Variants in CALCOCO2 observed in about 807,000 individuals in gnomAD.
CALCOCO2 encodes calcium-binding and coiled-coil domain-containing protein 2.
Under a neutral mutation model 62.5 loss-of-function variants are expected in CALCOCO2, and 42 were observed. The ratio of observed to expected loss-of-function variants is 0.67; its 90% CI spans 0.53 to 0.87. The LOEUF (loss-of-function observed/expected upper bound fraction) is 0.87. Among genes scored for constraint, CALCOCO2 ranks in the 40% least tolerant of loss-of-function variants. The probability of loss-of-function intolerance (pLI) is 0.00; values close to 1 mark genes in which losing one functional copy is unlikely to be tolerated. For synonymous variants in CALCOCO2, 167 were observed against 173.0 expected (o/e 0.97, Z 0.27); for missense variants, 456 against 515.0 (o/e 0.89, Z 1.11).
intron 1 of CALCOCO2, among the ~76,000 whole-genome samples, chr17:48,834,659 C>T (rs1470478105): frequency 2.0e-5 from 3 of 152,142 alleles, no homozygotes; most frequent in Non-Finnish European, 2.9e-5. Context: ...CTTTTCTTTA[C>T]CTCTATGAAT....
In CALCOCO2 at chr17:48,861,659, G is replaced by GTATATATATATATATATATATATATATA. The variant is rs367595425; in HGVS notation, c.1145-616_1145-615insATATATATATATATATATATATATATAT. Reference sequence around the variant, plus strand: ...TATATGTATATATATATATGTGTGTGTGTATATATATATATATAAAGCCTG... The same window carrying GTATATATATATATATATATATATATATA: ...TATATGTATATATATATATGTGTGTGTATATATATATATATATATATATATATATGTATATATATATATATAAAGCCTG... On this transcript the variant is annotated intron_variant, in intron 11 of 12. Transcript: ENST00000258947. Among the ~76,000 whole-genome samples the GTATATATATATATATATATATATATATA allele has an allele frequency of 2.3e-3, 311 of 135,016 alleles. 15 individuals are homozygous for GTATATATATATATATATATATATATATA. Among genetic ancestry groups the GTATATATATATATATATATATATATATA allele is most frequent in the African/African-American group, 9.3e-3 (297 of 31,802 alleles). The allele number at this position is 135,016 out of a possible 152,430, so 88.6% of individuals were successfully genotyped here.
intron 2 of CALCOCO2, among the ~76,000 whole-genome samples, chr17:48,844,280 G>A (rs1451963929): frequency 3.3e-5 from 5 of 152,008 alleles, no homozygotes; most frequent in Admixed American, 2.6e-4. Context: ...TACAGATCAT[G>A]AAAAAGAGAA....
chr17:48,855,213 A>C (rs2040197126), intron 9 of CALCOCO2, among the ~76,000 whole-genome samples: 1 of 152,176 alleles, frequency 6.6e-6, no homozygotes, highest in African/African-American at 2.4e-5. Context: ...TTTTGTAACT[A>C]TCAAGCAGGT....
In CALCOCO2 at chr17:48,860,308, C is replaced by T. The variant is rs757610752; in HGVS notation, c.1009-6C>T. 1 of 1,613,314 alleles carries T rather than the reference C, an allele frequency of 6.2e-7. No homozygotes were observed. The highest frequency in any genetic ancestry group is 1.1e-5 in the South Asian group (1 of 91,030). On this transcript the variant is annotated splice_region_variant and splice_polypyrimidine_tract_variant and intron_variant, in intron 10 of 12. Coordinates refer to ENST00000258947, the MANE Select transcript of CALCOCO2 (RefSeq NM_005831.5). ...TTCAACATGTCTATAAATCCTCTAT[C>T]CTTAGCTTTTGAAGAGGGAGAACAG...
rs933008429 is a variant in CALCOCO2 at position 48,849,494 on chromosome 17, T to C, written c.543+117T>C. The C allele has an allele frequency of 5.9e-6, 5 of 840,398 alleles. No individual in the cohort carries two copies. The African/African-American group carries it at 8.6e-5, about 14-fold the overall frequency. 52.1% of individuals were successfully genotyped at this position (840,398 alleles called of 1,614,324 possible). On this transcript the variant is annotated intron_variant, in intron 5 of 12. Coordinates refer to ENST00000258947, the MANE Select transcript of CALCOCO2 (RefSeq NM_005831.5). ...TCTCACCTTCTTATACCAGTATCTT[T>C]GAACAGGCATTAGTTTTGTTTGTTT...
At position 48,864,600 on chromosome 17, in the gene CALCOCO2, G is replaced by A. The variant is rs117542323; in HGVS notation, c.*1595G>A. On this transcript the variant is annotated 3_prime_UTR_variant, in exon 13 of 13. Transcript: ENST00000258947. ...TTCCACAAAAACTTTTGAATGATGT[G>A]AAACACGATGTCATGAATAAGGGTT... is the stretch of plus-strand genomic sequence containing the variant. 1 of 152,554 alleles carries A rather than the reference G, an allele frequency of 6.6e-6. No homozygotes were observed. Among genetic ancestry groups the A allele is most frequent in the Non-Finnish European group, 1.5e-5 (1 of 68,214 alleles). 9.5% of individuals were successfully genotyped at this position (152,554 alleles called of 1,614,324 possible). A position where few individuals can be genotyped will look rare whatever the true frequency, so the allele number is the denominator to read the frequency against.
In CALCOCO2 at chr17:48,862,971, T is replaced by C. The variant is rs1219356473; in HGVS notation, c.1307T>C (p.Ile436Thr). 6.2e-7 allele frequency: 1 copy of C among 1,613,952 alleles called. No individual in the cohort carries two copies. The highest frequency in any genetic ancestry group is 1.1e-5 in the South Asian group (1 of 91,074). ...DKIFPATEKQ[I>T]FEDHVFCHSL ...ATCTTCCCAGCTACAGAGAAGCAGA[T>C]CTTTGAAGACCACGTGTTCTGCCAC... is the stretch of plus-strand genomic sequence containing the variant. Residue 436 changes from isoleucine to threonine, a missense_variant, in exon 13 of 13, where the codon ATC (isoleucine) becomes ACC (threonine). Ile to Thr is a moderately conservative substitution (Grantham distance 89). Coordinates refer to ENST00000258947, the MANE Select transcript of CALCOCO2 (RefSeq NM_005831.5).
rs201304569 is a variant in CALCOCO2 at position 48,854,380 on chromosome 17, A to T, written c.912+1368A>T. 3.5e-3 allele frequency among the ~76,000 whole-genome samples: 16 copies of T among 4,612 alleles called. 1 individual carries two copies. Among genetic ancestry groups the T allele is most frequent in the East Asian group, 0.053 (2 of 38 alleles). 3.0% of individuals were successfully genotyped at this position (4,612 alleles called of 152,430 possible). A position where few individuals can be genotyped will look rare whatever the true frequency, so the allele number is the denominator to read the frequency against. ...GTATGGATTTCCTTGGTTTTCTTTT[A>T]TTTATATATATATATATTTTTTTTT... On this transcript the variant is annotated intron_variant, in intron 9 of 12. Transcript: ENST00000258947.
rs569117731 is a variant in CALCOCO2, at chr17:48,848,663, T to G, written c.417+208T>G. 33 of 613,836 alleles carry G rather than the reference T, an allele frequency of 5.4e-5. No individual in the cohort carries two copies. The East Asian group carries it at 9.4e-4, about 17-fold the overall frequency. 38.0% of individuals were successfully genotyped at this position (613,836 alleles called of 1,614,324 possible). A position where few individuals can be genotyped will look rare whatever the true frequency, so the allele number is the denominator to read the frequency against. ...TAAGTGGTTTCTTCTTTTCTAAAAC[T>G]TCTTTAACTCAGCTGGCATTCAGTT... On this transcript the variant is annotated intron_variant, in intron 4 of 12. Coordinates refer to ENST00000258947, the MANE Select transcript of CALCOCO2 (RefSeq NM_005831.5).
At chr17:48,858,042 T>TAGG (rs2040259350) in intron 10 of CALCOCO2, among the ~76,000 whole-genome samples, 1 of 9,366 alleles carries the variant, frequency 1.1e-4, no homozygotes. Flanking sequence ...TAGAATAGAA[T>TAGG]AGAAAATAGA....
intron 10 of CALCOCO2, among the ~76,000 whole-genome samples, chr17:48,858,334 G>A (rs1031221267): frequency 6.7e-6 from 1 of 149,784 alleles, no homozygotes; most frequent in Admixed American, 6.6e-5. Flanking sequence ...CTTTTGTTTT[G>A]TTTGTTTGTT....
intron 10 of CALCOCO2, 75 bp from the exon 11 acceptor site, chr17:48,860,239 G>A: frequency 1.7e-6 from 2 of 1,169,916 alleles, no homozygotes; most frequent in Non-Finnish European, 1.2e-6. Context: ...ACCTGGGAGG[G>A]GCATCTCCTA....
chr17:48,834,549 A>G (rs1234291819), intron 1 of CALCOCO2, among the ~76,000 whole-genome samples: 1 of 152,222 alleles, frequency 6.6e-6, no homozygotes, highest in Admixed American at 6.5e-5. Flanking sequence ...GTAAAATACC[A>G]CTTTATAATT....
chr17:48,860,208 C>A, intron 10 of CALCOCO2, 106 bp from the exon 11 acceptor site: 1 of 761,238 alleles, frequency 1.3e-6, no homozygotes, highest in Non-Finnish European at 2.2e-6. Context: ...TTCTCCAGTG[C>A]CACATTGCTA....
In CALCOCO2 at chr17:48,858,045, A is replaced by AGT. The variant is rs1567759449; in HGVS notation, c.1008+1858_1008+1859insGT. Among the ~76,000 whole-genome samples, 29 of 11,116 alleles carry AGT rather than the reference A, an allele frequency of 2.6e-3. 1 individual carries two copies. Among genetic ancestry groups the AGT allele is most frequent in the East Asian group, 0.014 (6 of 418 alleles). 7.3% of individuals were successfully genotyped at this position (11,116 alleles called of 152,430 possible). On this transcript the variant is annotated intron_variant, in intron 10 of 12. Coordinates refer to ENST00000258947, the MANE Select transcript of CALCOCO2 (RefSeq NM_005831.5). ...AATAGAATAGAATAGAATAGAATAG[A>AGT]AAATAGAATAGAATAGAATAGAATA...
At chr17:48,856,778 C>CTTTTTTTTT (rs549613504) in intron 10 of CALCOCO2, among the ~76,000 whole-genome samples, 3 of 138,988 alleles carry the variant, frequency 2.2e-5, no homozygotes, top group African/African-American at 5.2e-5. Flanking sequence ...TCTTTCTTTT[C>CTTTTTTTTT]TTTTTTTTTT....
At chr17:48,844,994 G>T (rs1356233288) in intron 2 of CALCOCO2, among the ~76,000 whole-genome samples, 1 of 152,056 alleles carries the variant, frequency 6.6e-6, no homozygotes, top group African/African-American at 2.4e-5. Flanking sequence ...AAATTAGCCA[G>T]GCGTGGTGGC....
rs1236164460 is a variant in CALCOCO2, at chr17:48,856,084, G to C, written c.913-8G>C. On this transcript the variant is annotated splice_polypyrimidine_tract_variant and splice_region_variant and intron_variant, in intron 9 of 12. Coordinates refer to ENST00000258947, the MANE Select transcript of CALCOCO2 (RefSeq NM_005831.5). Reference sequence around the variant, plus strand: ...GATCCTAATCCTAATTTTTTTTATTGTTGACAGGATGAAAACTTTGACCTG... The same window carrying C: ...GATCCTAATCCTAATTTTTTTTATTCTTGACAGGATGAAAACTTTGACCTG... 6.7e-7 allele frequency: 1 copy of C among 1,492,554 alleles called. No individual in the cohort carries two copies. Among genetic ancestry groups the C allele is most frequent in the Admixed American group, 1.8e-5 (1 of 56,950 alleles). 92.5% of individuals were successfully genotyped at this position (1,492,554 alleles called of 1,614,324 possible).
At chr17:48,855,928 C>T (rs1379911183) in intron 9 of CALCOCO2, 164 bp from the exon 10 acceptor site, 1 of 349,598 alleles carries the variant, frequency 2.9e-6, no homozygotes, top group African/African-American at 2.1e-5. Context: ...CTTTTTAAGT[C>T]ACTTTAATTT....
Sources: gnomAD v4.1 joint callset for allele counts (sites outside exome capture counted in the v4.1 genomes callset) on GRCh38, gnomAD v4.1.1 for gene constraint, MANE v1.5 for transcripts, NCBI Gene and HGNC (gene_info 2026-07-23, HGNC 2026-07-21) for gene names.